The following XRCC2 variants were observed in gnomAD, a reference collection of about 807,000 sequenced individuals.
The protein encoded by XRCC2 is DNA repair protein XRCC2.
Under a neutral mutation model 27.3 loss-of-function variants are expected in XRCC2, and 24 were observed. The observed-to-expected ratio is 0.88, with a 90% CI of 0.64 to 1.24. XRCC2 has a LOEUF of 1.24. XRCC2 is among the 50% of genes most tolerant of loss of function. XRCC2 has a pLI of 0.00. For missense variants in XRCC2, 321 were observed against 325.8 expected, an observed-to-expected ratio of 0.99 and a Z score of 0.11; for synonymous variants, 106 against 115.4, an observed-to-expected ratio of 0.92 and a Z score of 0.52.
intron 1 of XRCC2, among the ~76,000 whole-genome samples, chr7:152,663,372 A>AAAAAAAAAAC (rs2098034195): frequency 1.4e-5 from 2 of 145,214 alleles, no homozygotes; most frequent in Non-Finnish European, 3.0e-5. Context: ...AAAAAAAAAA[A>AAAAAAAAAAC]AGACTGCTTT....
intron 1 of XRCC2, among the ~76,000 whole-genome samples, chr7:152,674,756 TATATTATATATAAATATATTTTTAA>T (rs1590140226): frequency 7.1e-6 from 1 of 141,268 alleles, no homozygotes; most frequent in East Asian, 2.0e-4. Context: ...TTTTTAAATA[TATATTATATATAAATATATTTTTAA>T]ATATATATAT....
In XRCC2 at chr7:152,647,152, G is replaced by A. The variant is rs2098026330; in HGVS notation, c.*1490C>T. On this transcript the variant is annotated 3_prime_UTR_variant, in exon 3 of 3. Transcript: ENST00000359321. ...TTGTTTCGATTTGCATTTCTCTAAT[G>A]ATCAGTGATGCTGGGCTTTTTTCCA... 6.6e-6 allele frequency: 1 copy of A among 152,160 alleles called. No homozygotes were observed. The highest frequency in any genetic ancestry group is 1.5e-5 in the Non-Finnish European group (1 of 68,028). The allele number at this position is 152,160 out of a possible 1,614,324, so 9.4% of individuals were successfully genotyped here. A position where few individuals can be genotyped will look rare whatever the true frequency, so the allele number is the denominator to read the frequency against.
chr7:152,673,876 CA>C (rs981933441), intron 1 of XRCC2, among the ~76,000 whole-genome samples: 11 of 151,248 alleles, frequency 7.3e-5, no homozygotes, highest in African/African-American at 2.7e-4. Context: ...ACTCTTGTCT[CA>C]AAAAAAACCA....
intron 1 of XRCC2, among the ~76,000 whole-genome samples, chr7:152,673,984 A>G (rs1243269579): frequency 2.0e-5 from 3 of 152,242 alleles, no homozygotes; most frequent in Admixed American, 2.0e-4. Context: ...AAGTAGATGA[A>G]TGTGCAAAGA....
Position 152,648,225 on chromosome 7 carries a change from G to A in XRCC2, c.*417C>T, listed in dbSNP as rs2098026838. 1 of 153,856 alleles carries A rather than the reference G, an allele frequency of 6.5e-6. No homozygotes were observed. Among genetic ancestry groups the A allele is most frequent in the Non-Finnish European group, 1.4e-5 (1 of 69,284 alleles). The allele number at this position is 153,856 out of a possible 1,614,324, so 9.5% of individuals were successfully genotyped here. A position where few individuals can be genotyped will look rare whatever the true frequency, so the allele number is the denominator to read the frequency against. On this transcript the variant is annotated 3_prime_UTR_variant, in exon 3 of 3. Coordinates refer to ENST00000359321, the MANE Select transcript of XRCC2 (RefSeq NM_005431.2). Reference sequence around the variant, plus strand: ...AGTTCGAGACCAGCCTGGCCAACATGGTGAAACCCCGTCTCTATTAAAAAT... The same window carrying A: ...AGTTCGAGACCAGCCTGGCCAACATAGTGAAACCCCGTCTCTATTAAAAAT...
In XRCC2 at chr7:152,648,995, C is replaced by T; in HGVS notation, c.490G>A (p.Glu164Lys). The T allele has an allele frequency of 6.2e-7, 1 of 1,614,212 alleles. No individual in the cohort carries two copies. Among genetic ancestry groups the T allele is most frequent in the Non-Finnish European group, 8.5e-7 (1 of 1,180,048 alleles). ...GTAGACTCCTGTAAGTTCACACTTT[C>T]TCCTCCATTGACGCGGTCTATCCAG... The part of the protein sequence containing the change: ...FYWIDRVNGG[E>K]SVNLQESTLR... Residue 164 changes from glutamate (E) to lysine (K), a missense_variant, in exon 3 of 3, where the codon GAA (glutamate) becomes AAA (lysine). Coordinates refer to ENST00000359321, the MANE Select transcript of XRCC2 (RefSeq NM_005431.2).
Position 152,667,428 on chromosome 7 carries a change from A to AAAAAAAG in XRCC2, c.40-6653_40-6647dup, listed in dbSNP as rs2098036386. Among the ~76,000 whole-genome samples, 354 of 77,808 alleles carry AAAAAAAG rather than the reference A, an allele frequency of 4.5e-3. 2 individuals carry two copies. The highest frequency in any genetic ancestry group is 6.4e-3 in the Non-Finnish European group (262 of 41,236). The allele number at this position is 77,808 out of a possible 152,430, so 51.0% of individuals were successfully genotyped here. A position where few individuals can be genotyped will look rare whatever the true frequency, so the allele number is the denominator to read the frequency against. On this transcript the variant is annotated intron_variant, in intron 1 of 2. Transcript: ENST00000359321. ...CTCAAAAAAAAAAAAAAAAAAAAAG[A>AAAAAAAG]AAAAAAGTATTATAATTTTATTGAC...
rs985107716 is a variant in XRCC2, at chr7:152,648,284, G to A, written c.*358C>T. ...TAGCCAGGCGTGGTGGTGGGTGCCTGTAATCCCAGCTACCTGGGAGGCTGA... is the reference window on the plus strand; with the variant it reads ...TAGCCAGGCGTGGTGGTGGGTGCCTATAATCCCAGCTACCTGGGAGGCTGA... On this transcript the variant is annotated 3_prime_UTR_variant, in exon 3 of 3. Coordinates refer to ENST00000359321, the MANE Select transcript of XRCC2 (RefSeq NM_005431.2). 4 of 165,626 alleles carry A rather than the reference G, an allele frequency of 2.4e-5. No individual in the cohort carries two copies. Among genetic ancestry groups the A allele is most frequent in the Non-Finnish European group, 5.2e-5 (4 of 76,524 alleles). The allele number at this position is 165,626 out of a possible 1,614,324, so 10.3% of individuals were successfully genotyped here.
chr7:152,674,144 C>A (rs528900244), intron 1 of XRCC2, among the ~76,000 whole-genome samples: 89 of 152,294 alleles, frequency 5.8e-4, no homozygotes, highest in African/African-American at 2.1e-3. Flanking sequence ...CCCCACTCCA[C>A]TCCAGAGTAG....
intron 2 of XRCC2, among the ~76,000 whole-genome samples, chr7:152,659,652 C>T (rs1563029761): frequency 8.0e-6 from 1 of 125,196 alleles, no homozygotes; most frequent in Non-Finnish European, 1.6e-5. Context: ...CAGACAATAA[C>T]AATTATTCCC....
At chr7:152,664,278 C>A (rs546737507) in intron 1 of XRCC2, among the ~76,000 whole-genome samples, 3 of 152,014 alleles carry the variant, frequency 2.0e-5, no homozygotes, top group Non-Finnish European at 4.4e-5. Flanking sequence ...ACTTATTAAG[C>A]CTGAAGGTGG....
chr7:152,661,713 C>T (rs538522491), intron 1 of XRCC2, among the ~76,000 whole-genome samples: 1 of 152,336 alleles, frequency 6.6e-6, no homozygotes, highest in East Asian at 1.9e-4. Context: ...GAAGTCAGAG[C>T]ATGGAAGGGC....
intron 2 of XRCC2, among the ~76,000 whole-genome samples, chr7:152,656,155 C>T (rs929633261): frequency 9.2e-5 from 14 of 152,086 alleles, no homozygotes; most frequent in African/African-American, 2.9e-4. Context: ...CACCATGGCA[C>T]GCGTTTATCT....
intron 2 of XRCC2, among the ~76,000 whole-genome samples, chr7:152,650,865 G>A (rs1047671725): frequency 6.6e-6 from 1 of 152,084 alleles, no homozygotes; most frequent in African/African-American, 2.4e-5. Context: ...CAGCCTGGGC[G>A]ACAAGAGCGA....
At chr7:152,655,488 G>A (rs1025512437) in intron 2 of XRCC2, among the ~76,000 whole-genome samples, 3 of 151,826 alleles carry the variant, frequency 2.0e-5, no homozygotes, top group Non-Finnish European at 2.9e-5. Context: ...GTGGGCAGAT[G>A]GCTTGAGCCC....
At chr7:152,665,528 C>T (rs1048991409) in intron 1 of XRCC2, among the ~76,000 whole-genome samples, 2 of 133,474 alleles carry the variant, frequency 1.5e-5, no homozygotes, top group African/African-American at 2.8e-5. Context: ...GTCTTACTCC[C>T]GTCACCCAGG....
At chr7:152,657,255 A>G (rs1400964632) in intron 2 of XRCC2, among the ~76,000 whole-genome samples, 2 of 149,322 alleles carry the variant, frequency 1.3e-5, no homozygotes, top group Non-Finnish European at 3.0e-5. Context: ...AAAAGATAGT[A>G]TAAACGTGTT....
At position 152,676,028 on chromosome 7, in the gene XRCC2, C is replaced by G. The variant is rs750274146; in HGVS notation, c.39+13G>C. ...GTTCCCATCTCCCTCACTCCCAACC[C>G]GGCGGCTCTCACCTCGGTCCCAGAC... On this transcript the variant is annotated intron_variant, in intron 1 of 2. Coordinates refer to ENST00000359321, the MANE Select transcript of XRCC2 (RefSeq NM_005431.2). 7 of 1,613,746 alleles carry G rather than the reference C, an allele frequency of 4.3e-6. No individual in the cohort carries two copies. The East Asian group carries it at 1.3e-4, about 31-fold the overall frequency.
chr7:152,654,294 A>G (rs985672285), intron 2 of XRCC2, among the ~76,000 whole-genome samples: 1 of 152,134 alleles, frequency 6.6e-6, no homozygotes, highest in African/African-American at 2.4e-5. Context: ...GAGAAAAAAC[A>G]AAAATCTCTT....
Sources: allele counts gnomAD v4.1 joint callset (sites outside exome capture counted in the v4.1 genomes callset), GRCh38; gene constraint gnomAD v4.1.1; transcripts MANE v1.5; gene names NCBI Gene and HGNC (gene_info 2026-07-23, HGNC 2026-07-21).